The following MAN2A1 variants were observed in gnomAD, a reference collection of about 807,000 sequenced individuals.
MAN2A1 encodes alpha-mannosidase 2.
MAN2A1 carries 76 observed loss-of-function variants against 142.6 expected under a neutral mutation model. That is an observed-to-expected ratio of 0.53 (90% CI 0.44 to 0.65). MAN2A1 has a LOEUF of 0.65. Ranked by LOEUF, MAN2A1 falls within the 30% of genes least tolerant of loss-of-function variation. MAN2A1 has a pLI of 0.00. For missense variants in MAN2A1, 1,311 were observed against 1,365.1 expected, an observed-to-expected ratio of 0.96 and a Z score of 0.62; for synonymous variants, 559 against 473.2, an observed-to-expected ratio of 1.18 and a Z score of -2.35.
chr5:109,745,300 A>G (rs1752370834), intron 4 of MAN2A1, among the ~76,000 whole-genome samples: 2 of 152,220 alleles, frequency 1.3e-5, no homozygotes, highest in East Asian at 1.9e-4. Context: ...CAATAAATAC[A>G]ATAATATAAT....
At chr5:109,839,189 G>A (rs1755133858) in intron 16 of MAN2A1, among the ~76,000 whole-genome samples, 1 of 152,050 alleles carries the variant, frequency 6.6e-6, no homozygotes, top group South Asian at 2.1e-4. Context: ...TACATTTTGT[G>A]TTTTGGATGT....
At chr5:109,809,109 A>T (rs1754251942) in intron 12 of MAN2A1, among the ~76,000 whole-genome samples, 1 of 152,154 alleles carries the variant, frequency 6.6e-6, no homozygotes, top group Admixed American at 6.5e-5. Flanking sequence ...GATATAAGAA[A>T]TGTATAAAGT....
At chr5:109,773,821 T>C (rs1230493365) in intron 7 of MAN2A1, among the ~76,000 whole-genome samples, 1 of 152,216 alleles carries the variant, frequency 6.6e-6, no homozygotes, top group Admixed American at 6.5e-5. Context: ...GTTTTTATAT[T>C]GTGAATTAGA....
At chr5:109,829,149 A>AG (rs1754837452) in intron 16 of MAN2A1, among the ~76,000 whole-genome samples, 1 of 152,238 alleles carries the variant, frequency 6.6e-6, no homozygotes, top group Admixed American at 6.5e-5. Flanking sequence ...TAAGGAACAG[A>AG]GGGTCCTGGA....
At chr5:109,737,563 ACT>A (rs1752140358) in intron 4 of MAN2A1, among the ~76,000 whole-genome samples, 1 of 152,046 alleles carries the variant, frequency 6.6e-6, no homozygotes, top group African/African-American at 2.4e-5. Context: ...GTATTTTACA[ACT>A]ACTGTTTTTA....
At chr5:109,697,019 G>T (rs571631751) in intron 1 of MAN2A1, among the ~76,000 whole-genome samples, 2 of 152,176 alleles carry the variant, frequency 1.3e-5, no homozygotes, top group Non-Finnish European at 2.9e-5. Context: ...CCAATTGGAC[G>T]TGTGTATTCT....
intron 20 of MAN2A1, among the ~76,000 whole-genome samples, 170 bp downstream of exon 20, chr5:109,855,504 A>G (rs1195541015): frequency 1.3e-5 from 2 of 152,160 alleles, no homozygotes; most frequent in East Asian, 1.9e-4. Flanking sequence ...CTATTGCTGT[A>G]TATTTTAGAG....
chr5:109,817,180 AT>A, intron 12 of MAN2A1, 92 bp from the exon 13 acceptor site: 1 of 240,872 alleles, frequency 4.2e-6, no homozygotes, highest in Non-Finnish European at 5.7e-6. Flanking sequence ...ATATATATGT[AT>A]ATGTATATGT....
At chr5:109,804,753 C>A (rs1317198008) in intron 12 of MAN2A1, among the ~76,000 whole-genome samples, 1 of 152,160 alleles carries the variant, frequency 6.6e-6, no homozygotes, top group Non-Finnish European at 1.5e-5. Context: ...GTTTTCTCCT[C>A]TATTCACCTG....
intron 20 of MAN2A1, among the ~76,000 whole-genome samples, chr5:109,858,281 C>T (rs1377383500): frequency 6.6e-6 from 1 of 152,190 alleles, no homozygotes; most frequent in Non-Finnish European, 1.5e-5. Flanking sequence ...TAAAAGCCCA[C>T]TAGTAATCCA....
chr5:109,802,908 C>A (rs1198701724), intron 12 of MAN2A1, among the ~76,000 whole-genome samples: 2 of 151,940 alleles, frequency 1.3e-5, no homozygotes, highest in Admixed American at 1.3e-4. Context: ...TTTCTTGCAT[C>A]AGGCAGTTTA....
intron 8 of MAN2A1, among the ~76,000 whole-genome samples, chr5:109,778,445 A>C (rs1753354710): frequency 6.6e-6 from 1 of 152,094 alleles, no homozygotes; most frequent in Non-Finnish European, 1.5e-5. Flanking sequence ...CTAAGAGAGA[A>C]AACATTCGTT....
chr5:109,790,997 A>C (rs1401895863), intron 12 of MAN2A1, among the ~76,000 whole-genome samples: 1 of 152,110 alleles, frequency 6.6e-6, no homozygotes, highest in East Asian at 1.9e-4. Flanking sequence ...AAAGTTAGGA[A>C]ATGTAGTATA....
intron 8 of MAN2A1, among the ~76,000 whole-genome samples, chr5:109,779,204 A>T (rs954842108): frequency 2.0e-5 from 3 of 152,176 alleles, no homozygotes; most frequent in Admixed American, 6.5e-5. Context: ...GAGAAAGCCT[A>T]CTAGGCTACT....
intron 13 of MAN2A1, among the ~76,000 whole-genome samples, chr5:109,819,298 C>A (rs73223231): frequency 6.6e-6 from 1 of 152,042 alleles, no homozygotes; most frequent in African/African-American, 2.4e-5. Context: ...ACGATATTTT[C>A]AAATTCTAAT....
At chr5:109,736,115 T>G (rs1221894092) in intron 4 of MAN2A1, among the ~76,000 whole-genome samples, 2 of 151,564 alleles carry the variant, frequency 1.3e-5, no homozygotes, top group Non-Finnish European at 2.9e-5. Flanking sequence ...ATACCTAGAG[T>G]TTTTACACTG....
intron 8 of MAN2A1, among the ~76,000 whole-genome samples, chr5:109,778,565 A>T (rs1235847810): frequency 2.6e-5 from 4 of 151,994 alleles, no homozygotes; most frequent in Admixed American, 1.3e-4. Context: ...ACTAAATTTT[A>T]TTATTTTCTT....
chr5:109,866,850 T>C lies in MAN2A1; in HGVS notation c.3287T>C (p.Leu1096Ser), dbSNP rs759857037. Residue 1096 changes from leucine to serine, a missense_variant, in exon 22 of 22, where the codon TTG (leucine) becomes TCG (serine). By Grantham distance (145) the Leu-to-Ser change is moderately radical (BLOSUM62 -2). Coordinates refer to ENST00000261483, the MANE Select transcript of MAN2A1 (RefSeq NM_002372.4). ...LFCSTTQGKI[L>S]VQKLLNKFIV... Reference sequence around the variant, plus strand: ...ATTTTATCATTTACTTTTCAGATATTGGTACAGAAACTTTTAAACAAGTTT... The same window carrying C: ...ATTTTATCATTTACTTTTCAGATATCGGTACAGAAACTTTTAAACAAGTTT... 2 of 1,597,930 alleles carry C rather than the reference T, an allele frequency of 1.3e-6. No individual in the cohort carries two copies. Among genetic ancestry groups the C allele is most frequent in the South Asian group, 2.3e-5 (2 of 88,396 alleles).
At chr5:109,735,510 C>A (rs979196242) in intron 4 of MAN2A1, among the ~76,000 whole-genome samples, 6 of 152,130 alleles carry the variant, frequency 3.9e-5, no homozygotes, top group Admixed American at 1.3e-4. Context: ...GTGGCTGGTA[C>A]CGGTTGTTCC....
Sources: gnomAD v4.1 joint callset for allele counts (sites outside exome capture counted in the v4.1 genomes callset) on GRCh38, gnomAD v4.1.1 for gene constraint, MANE v1.5 for transcripts, NCBI Gene and HGNC (gene_info 2026-07-23, HGNC 2026-07-21) for gene names.